CCSER1: variants seen among roughly 807,000 people sequenced by gnomAD.
CCSER1 encodes the protein serine-rich coiled-coil domain-containing protein 1.
A neutral mutation model predicts 82.0 loss-of-function variants in CCSER1; 41 were observed. The ratio of observed to expected loss-of-function variants is 0.50; its 90% CI spans 0.39 to 0.65. The LOEUF is 0.65. Among genes scored for constraint, CCSER1 ranks in the 30% least tolerant of loss-of-function variants. The pLI, the probability that CCSER1 is intolerant of heterozygous loss-of-function variation, is 0.00. For missense variants in CCSER1, 1,119 were observed against 1,064.2 expected (o/e 1.05, Z -0.72); for synonymous variants, 414 against 383.9 (o/e 1.08, Z -0.92).
intron 10 of CCSER1, among the ~76,000 whole-genome samples, chr4:91,131,130 T>G (rs183790063): frequency 1.3e-5 from 2 of 152,096 alleles, no homozygotes; most frequent in Admixed American, 1.3e-4. Context: ...ATTTTTGTTC[T>G]AAAAAACAAT....
In CCSER1 at chr4:90,308,607, A is replaced by T. The variant is rs1157980616; in HGVS notation, c.323A>T (p.His108Leu). The part of the protein sequence containing the change: ...SNMQKLSLEE[H>L]IKTRGRHSVG... ...ATGCAGAAACTGAGTTTGGAAGAAC[A>T]TATTAAGACCAGGGGAAGACATTCT... Residue 108 changes from histidine (H) to leucine (L), a missense_variant, in exon 2 of 11, where the codon CAT becomes CTT. Transcript: ENST00000509176. 6.2e-7 allele frequency: 1 copy of T among 1,613,932 alleles called. No homozygotes were observed. Among genetic ancestry groups the T allele is most frequent in the Non-Finnish European group, 8.5e-7 (1 of 1,179,872 alleles).
At chr4:91,189,549 G>C (rs1734836066) in intron 10 of CCSER1, among the ~76,000 whole-genome samples, 1 of 152,164 alleles carries the variant, frequency 6.6e-6, no homozygotes, top group South Asian at 2.1e-4. Flanking sequence ...GGTGTAGGAA[G>C]TGTTTAAATT....
chr4:90,641,373 G>A (rs1327774370), intron 6 of CCSER1, among the ~76,000 whole-genome samples: 1 of 152,090 alleles, frequency 6.6e-6, no homozygotes, highest in Non-Finnish European at 1.5e-5. Context: ...ATCTGTTAGA[G>A]GTAGTGGGGG....
chr4:90,609,765 T>A (rs1200235644), intron 5 of CCSER1, among the ~76,000 whole-genome samples: 2 of 152,228 alleles, frequency 1.3e-5, no homozygotes, highest in Admixed American at 6.5e-5. Flanking sequence ...ATTCGGCTAC[T>A]GAATTTAGAT....
At chr4:91,528,902 C>T (rs1380921210) in intron 10 of CCSER1, among the ~76,000 whole-genome samples, 2 of 152,084 alleles carry the variant, frequency 1.3e-5, no homozygotes, top group African/African-American at 2.4e-5. Flanking sequence ...ACTTCTGGGA[C>T]ACAGAGAAAA....
chr4:91,376,650 T>A (rs1460961777), intron 10 of CCSER1, among the ~76,000 whole-genome samples: 6 of 152,226 alleles, frequency 3.9e-5, no homozygotes, highest in Non-Finnish European at 8.8e-5. Flanking sequence ...CAAATTAAAC[T>A]AAGAGATGAA....
intron 3 of CCSER1, among the ~76,000 whole-genome samples, chr4:90,330,425 A>G (rs1412550203): frequency 6.6e-6 from 1 of 152,178 alleles, no homozygotes; most frequent in Non-Finnish European, 1.5e-5. Flanking sequence ...CCACCTAGCT[A>G]TGGTTCATGA....
intron 6 of CCSER1, among the ~76,000 whole-genome samples, chr4:90,673,485 A>G (rs1379007654): frequency 6.6e-6 from 1 of 152,032 alleles, no homozygotes; most frequent in African/African-American, 2.4e-5. Flanking sequence ...TAAAATAAGT[A>G]AAACATAATG....
At chr4:90,533,496 G>A (rs975837560) in intron 5 of CCSER1, among the ~76,000 whole-genome samples, 3 of 152,292 alleles carry the variant, frequency 2.0e-5, no homozygotes, top group Admixed American at 6.5e-5. Flanking sequence ...AATGCCTTCT[G>A]CTCTCTTTGC....
At chr4:90,384,101 G>A (rs1749637120) in intron 3 of CCSER1, among the ~76,000 whole-genome samples, 1 of 150,880 alleles carries the variant, frequency 6.6e-6, no homozygotes, top group Admixed American at 6.6e-5. Context: ...TTTTGTTGTT[G>A]TTGTTTGTTT....
chr4:91,443,543 T>G, intron 10 of CCSER1, among the ~76,000 whole-genome samples: 1 of 148,434 alleles, frequency 6.7e-6, no homozygotes. Context: ...TTAGGAGATA[T>G]ACCTAATGCT....
intron 10 of CCSER1, among the ~76,000 whole-genome samples, chr4:91,576,341 A>T (rs1415738329): frequency 6.6e-6 from 1 of 151,970 alleles, no homozygotes; most frequent in African/African-American, 2.4e-5. Context: ...TGTAAAATCT[A>T]AAAAAAGTCC....
chr4:90,655,814 G>A (rs1313019933), intron 6 of CCSER1, among the ~76,000 whole-genome samples: 1 of 151,914 alleles, frequency 6.6e-6, no homozygotes, highest in Non-Finnish European at 1.5e-5. Context: ...TCCAAATAGA[G>A]ATATTGTTAA....
intron 7 of CCSER1, among the ~76,000 whole-genome samples, chr4:90,809,172 T>C (rs1213460474): frequency 7.8e-6 from 1 of 127,544 alleles, no homozygotes; most frequent in Non-Finnish European, 1.7e-5. Flanking sequence ...CACACACAAT[T>C]AGCTAGGCAT....
At chr4:90,194,696 A>G (rs1035801924) in intron 1 of CCSER1, among the ~76,000 whole-genome samples, 4 of 152,102 alleles carry the variant, frequency 2.6e-5, no homozygotes, top group Non-Finnish European at 5.9e-5. Flanking sequence ...CCCTGTGGAT[A>G]GCTGGAAGGC....
At chr4:91,209,432 AT>A (rs1736613565) in intron 10 of CCSER1, among the ~76,000 whole-genome samples, 1 of 151,870 alleles carries the variant, frequency 6.6e-6, no homozygotes, top group African/African-American at 2.4e-5. Flanking sequence ...GGTATGTTGA[AT>A]TTTATTGAAA....
At chr4:91,508,180 C>CTGAT (rs1759623687) in intron 10 of CCSER1, among the ~76,000 whole-genome samples, 1 of 105,414 alleles carries the variant, frequency 9.5e-6, no homozygotes, top group Non-Finnish European at 1.8e-5. Context: ...TTTTTTTTTT[C>CTGAT]CTGATCTTGG....
chr4:90,456,279 A>T (rs186651957), intron 4 of CCSER1, among the ~76,000 whole-genome samples: 1 of 152,196 alleles, frequency 6.6e-6, no homozygotes, highest in African/African-American at 2.4e-5. Context: ...GAATAGATAG[A>T]CATCACATTG....
intron 7 of CCSER1, among the ~76,000 whole-genome samples, chr4:90,806,596 T>C (rs1757544081): frequency 6.6e-6 from 1 of 152,106 alleles, no homozygotes; most frequent in Non-Finnish European, 1.5e-5. Context: ...ACTACAGCAT[T>C]AGCTTTTTCA....
Sources: gnomAD v4.1 joint callset for allele counts (sites outside exome capture counted in the v4.1 genomes callset) on GRCh38, gnomAD v4.1.1 for gene constraint, MANE v1.5 for transcripts, NCBI Gene and HGNC (gene_info 2026-07-23, HGNC 2026-07-21) for gene names.